OR1A1: variants seen among roughly 807,000 people sequenced by gnomAD.
OR1A1 encodes olfactory receptor 1A1.
For synonymous variants in OR1A1, 145 were observed against 147.8 expected (o/e 0.98, Z 0.13); for missense variants, 391 against 379.9 (o/e 1.03, Z -0.24).
intron 3 of OR1A1, chr17:3,213,572 T>A (rs540879293): frequency 2.0e-5 from 3 of 152,366 alleles, no homozygotes; most frequent in East Asian, 3.9e-4. Flanking sequence ...GTAAAATGGC[T>A]TAAACAAAGT....
Position 3,215,702 on chromosome 17 carries a change from T to C in OR1A1, c.82T>C (p.Tyr28His). 5 of 1,613,946 alleles carry C rather than the reference T, an allele frequency of 3.1e-6. No individual in the cohort carries two copies. Among genetic ancestry groups the C allele is most frequent in the Non-Finnish European group, 4.2e-6 (5 of 1,179,806 alleles). Residue 28 changes from tyrosine (Y) to histidine (H), a missense_variant, in exon 4 of 4, where the codon TAC becomes CAC. Physicochemically the swap from Tyr to His is moderately conservative, Grantham distance 83. Coordinates refer to ENST00000641732, the MANE Select transcript of OR1A1 (RefSeq NM_014565.3). ...TGQQEQEDFF[Y>H]ILFLFIYPIT... ...TCAGCAGGAACAGGAAGATTTCTTCTACATCCTCTTCTTGTTCATTTACCC... is the reference window on the plus strand; with the variant it reads ...TCAGCAGGAACAGGAAGATTTCTTCCACATCCTCTTCTTGTTCATTTACCC...
Position 3,216,772 on chromosome 17 carries a change from G to C in OR1A1, c.*222G>C. ...CTTTTTGGCAGAGTGGCAGCACAGG[G>C]ATATAGGGCATATGTCCTGATGAGC... On this transcript the variant is annotated 3_prime_UTR_variant, in exon 4 of 4. Transcript: ENST00000641732. The C allele has an allele frequency of 1.0e-5, 5 of 494,024 alleles. No individual in the cohort carries two copies. The South Asian group carries it at 1.6e-4, about 16-fold the overall frequency. The allele number at this position is 494,024 out of a possible 1,614,324, so 30.6% of individuals were successfully genotyped here.
chr17:3,214,691 G>C (rs565560391), intron 3 of OR1A1: 1 of 152,252 alleles, frequency 6.6e-6, no homozygotes, highest in African/African-American at 2.4e-5. Flanking sequence ...GAAATACGGA[G>C]GGAAAAGTTC....
intron 3 of OR1A1, 72 bp from the exon 4 acceptor site, chr17:3,215,544 T>C: frequency 9.2e-7 from 1 of 1,092,332 alleles, no homozygotes; most frequent in Non-Finnish European, 1.3e-6. Flanking sequence ...TCAGAAGTGA[T>C]GGAGAAGGAT....
Position 3,215,856 on chromosome 17 carries a change from C to T in OR1A1, c.236C>T (p.Pro79Leu). ...VDIFFSSVTI[P>L]KMLANHLLGS... is the part of the protein sequence containing the mutation. ...ATCTTCTTCTCATCGGTAACCATCC[C>T]TAAGATGCTGGCCAACCATCTCTTG... Residue 79 changes from proline (P) to leucine (L), a missense_variant, in exon 4 of 4, where the codon CCT (proline) becomes CTT (leucine). Pro to Leu is a moderately conservative substitution (Grantham distance 98). Coordinates refer to ENST00000641732, the MANE Select transcript of OR1A1 (RefSeq NM_014565.3). 1.2e-6 allele frequency: 2 copies of T among 1,614,184 alleles called. No homozygotes were observed. The highest frequency in any genetic ancestry group is 1.7e-6 in the Non-Finnish European group (2 of 1,180,028).
chr17:3,212,534 T>C lies in OR1A1; in HGVS notation c.-71T>C, dbSNP rs1461645822. ...AGAGCTCCACCTCTGAACTCACATA[T>C]CCGTACCATATGAGCTAACCATGCT... On this transcript the variant is annotated 5_prime_UTR_variant, in exon 3 of 4. Transcript: ENST00000641732. 6.6e-6 allele frequency: 1 copy of C among 152,168 alleles called. No homozygotes were observed. The highest frequency in any genetic ancestry group is 2.4e-5 in the African/African-American group (1 of 41,420). 9.4% of individuals were successfully genotyped at this position (152,168 alleles called of 1,614,324 possible).
rs993082679 is a variant in OR1A1, at chr17:3,216,631, G to A, written c.*81G>A. On this transcript the variant is annotated 3_prime_UTR_variant, in exon 4 of 4. Transcript: ENST00000641732. ...TCCAGTTCTGATGTCATCCTCCTAC[G>A]AGAGGCAGTCTCTGATCTTTCTAGC... 7.6e-6 allele frequency: 8 copies of A among 1,059,032 alleles called. No homozygotes were observed. Among genetic ancestry groups the A allele is most frequent in the South Asian group, 3.3e-5 (2 of 60,922 alleles). The allele number at this position is 1,059,032 out of a possible 1,614,324, so 65.6% of individuals were successfully genotyped here.
intron 2 of OR1A1, among the ~76,000 whole-genome samples, chr17:3,210,479 A>C (rs947383980): frequency 2.0e-5 from 3 of 152,166 alleles, no homozygotes; most frequent in African/African-American, 7.2e-5. Flanking sequence ...AAAGATGTTA[A>C]ATTTAATTTT....
rs192719076 is a variant in OR1A1 at position 3,211,876 on chromosome 17, C to T, written c.-138-591C>T. On this transcript the variant is annotated intron_variant, in intron 2 of 3. Coordinates refer to ENST00000641732, the MANE Select transcript of OR1A1 (RefSeq NM_014565.3). ...TTATTTCTAGATTCCTTAAAATTTT[C>T]TATGGCCATTTTAAAAAATAAATCT... Among the ~76,000 whole-genome samples the T allele has an allele frequency of 2.1e-4, 32 of 152,174 alleles. No individual in the cohort carries two copies. The East Asian group carries it at 6.0e-3, about 28-fold the overall frequency.
Position 3,216,275 on chromosome 17 carries a change from C to T in OR1A1, c.655C>T (p.Arg219Ter), listed in dbSNP as rs200334864. 63 of 1,614,194 alleles carry T rather than the reference C, an allele frequency of 3.9e-5. No homozygotes were observed. The highest frequency in any genetic ancestry group is 3.1e-4 in the East Asian group (14 of 44,890). ...PLLCIIVSYI[R>*]VFSTVFQVPS... is the part of the protein sequence containing the mutation. ...ACTATGCATCATTGTCTCCTATATT[C>T]GAGTCTTCTCCACAGTCTTCCAGGT... is the stretch of plus-strand genomic sequence containing the variant. The change falls in exon 4 of 4, where the codon CGA becomes TGA. Residue 219 changes from arginine (R) to a stop codon, truncating the protein, a stop_gained. Coordinates refer to ENST00000641732, the MANE Select transcript of OR1A1 (RefSeq NM_014565.3). LOFTEE classifies it high-confidence loss of function.
intron 2 of OR1A1, among the ~76,000 whole-genome samples, chr17:3,211,935 G>T (rs979163931): frequency 2.6e-5 from 4 of 152,054 alleles, no homozygotes; most frequent in Non-Finnish European, 4.4e-5. Flanking sequence ...ACTGGAAAAA[G>T]GGTCTCTGGG....
intron 2 of OR1A1, among the ~76,000 whole-genome samples, chr17:3,210,586 G>A (rs2048436778): frequency 6.6e-6 from 1 of 152,020 alleles, no homozygotes; most frequent in Admixed American, 6.6e-5. Flanking sequence ...CTGCCGTATT[G>A]CTGGTCCTTT....
intron 3 of OR1A1, chr17:3,214,088 G>C (rs1313482342): frequency 6.6e-6 from 1 of 152,206 alleles, no homozygotes; most frequent in Non-Finnish European, 1.5e-5. Flanking sequence ...ATTAGATGTA[G>C]AGGTGAGAGA....
intron 1 of OR1A1, among the ~76,000 whole-genome samples, 193 bp downstream of exon 1, chr17:3,208,193 AG>A (rs759965923): frequency 4.3e-4 from 37 of 86,224 alleles, no homozygotes; most frequent in African/African-American, 1.2e-3. Context: ...AGAGAGAGAG[AG>A]GAGGAGGAGG....
chr17:3,214,861 A>C (rs1567525522), intron 3 of OR1A1: 1 of 152,032 alleles, frequency 6.6e-6, no homozygotes, highest in Non-Finnish European at 1.5e-5. Context: ...AGAGAAAAAA[A>C]ACCAACAACT....
At chr17:3,211,717 G>A (rs1424726131) in intron 2 of OR1A1, among the ~76,000 whole-genome samples, 1 of 152,154 alleles carries the variant, frequency 6.6e-6, no homozygotes, top group Non-Finnish European at 1.5e-5. Context: ...ATTACATTTA[G>A]AGAGTAATTG....
rs773759531 is a variant in OR1A1, at chr17:3,216,542, T to TCCTCGTAA, written c.925_*2dup. On this transcript the variant is annotated stop_gained and frameshift_variant, in exon 4 of 4. Coordinates refer to ENST00000641732, the MANE Select transcript of OR1A1 (RefSeq NM_014565.3). LOFTEE classifies it high-confidence loss of function. ...GCGGAAACTCTTCAACAAGAGAATC[T>TCCTCGTAA]CCTCGTAACCAATGTGAGGGCCTAC... 1 of 1,610,092 alleles carries TCCTCGTAA rather than the reference T, an allele frequency of 6.2e-7. No homozygotes were observed. Among genetic ancestry groups the TCCTCGTAA allele is most frequent in the South Asian group, 1.1e-5 (1 of 90,748 alleles).
In OR1A1 at chr17:3,213,259, T is replaced by C. The variant is rs1339446064; in HGVS notation, c.-6+660T>C. 2.0e-5 allele frequency: 3 copies of C among 152,208 alleles called. No homozygotes were observed. In the South Asian group the frequency reaches 6.2e-4, roughly 31 times the overall value. 9.4% of individuals were successfully genotyped at this position (152,208 alleles called of 1,614,324 possible). On this transcript the variant is annotated intron_variant, in intron 3 of 3. Transcript: ENST00000641732. ...GCTCAATTTCTCAGGCTGCTCTTTG[T>C]TAGAAAAAAAGTAATTTATTGGGCT... is the stretch of plus-strand genomic sequence containing the variant.
chr17:3,214,331 C>T (rs1250330257), intron 3 of OR1A1: 1 of 149,240 alleles, frequency 6.7e-6, no homozygotes, highest in African/African-American at 2.5e-5. Context: ...AAACCTCCAT[C>T]TCTACTAAAA....
Sources: allele counts gnomAD v4.1 joint callset (sites outside exome capture counted in the v4.1 genomes callset), GRCh38; gene constraint gnomAD v4.1.1; transcripts MANE v1.5; gene names NCBI Gene and HGNC (gene_info 2026-07-23, HGNC 2026-07-21).